MPHOSPH9: variants seen among roughly 807,000 people sequenced by gnomAD.
The protein encoded by MPHOSPH9 is M-phase phosphoprotein 9.
A neutral mutation model predicts 145.5 loss-of-function variants in MPHOSPH9; 88 were observed. That is an observed-to-expected ratio of 0.60 (90% CI 0.51 to 0.72). MPHOSPH9 has a LOEUF of 0.72. Ranked by LOEUF, MPHOSPH9 falls within the 30% of genes least tolerant of loss-of-function variation. The pLI is 0.00. For synonymous variants in MPHOSPH9, 435 were observed against 486.2 expected (o/e 0.89, Z 1.39); for missense variants, 1,238 against 1,386.6 (o/e 0.89, Z 1.70).
At chr12:123,223,296 C>G (rs900543363) in intron 3 of MPHOSPH9, among the ~76,000 whole-genome samples, 169 bp from the exon 4 acceptor site, 4 of 152,090 alleles carry the variant, frequency 2.6e-5, no homozygotes, top group African/African-American at 7.2e-5. Context: ...ACCAAGAGAG[C>G]AGGGAGTTCT....
At chr12:123,215,119 A>G (rs1288598253) in intron 6 of MPHOSPH9, among the ~76,000 whole-genome samples, 2 of 152,080 alleles carry the variant, frequency 1.3e-5, no homozygotes, top group African/African-American at 2.4e-5. Context: ...GCGGGTGCCT[A>G]TAATCCCAGC....
chr12:123,229,763 G>C (rs931595534), intron 2 of MPHOSPH9, among the ~76,000 whole-genome samples: 6 of 150,028 alleles, frequency 4.0e-5, no homozygotes, highest in African/African-American at 9.7e-5. Context: ...ATCTCTGAGA[G>C]AAATGAGAAA....
chr12:123,157,397 G>C (rs1448056636), intron 23 of MPHOSPH9, among the ~76,000 whole-genome samples: 1 of 146,532 alleles, frequency 6.8e-6, no homozygotes, highest in Non-Finnish European at 1.5e-5. Context: ...AAAAAAAATA[G>C]ATTTCACAAT....
Position 123,166,738 on chromosome 12 carries a change from T to C in MPHOSPH9, c.2508A>G (p.Ala836=), listed in dbSNP as rs2044338142. 6.2e-7 allele frequency: 1 copy of C among 1,613,986 alleles called. No individual in the cohort carries two copies. The highest frequency in any genetic ancestry group is 1.3e-5 in the African/African-American group (1 of 74,938). The change falls in exon 17 of 24, where the codon GCA becomes GCG. Residue 836 remains alanine (A), a synonymous_variant. Transcript: ENST00000606320. ...GCTGGCCAGTAAAGATGGAATACTCTGCACCTGGAATCAGCCATTTCCGCC... is the reference window on the plus strand; with the variant it reads ...GCTGGCCAGTAAAGATGGAATACTCCGCACCTGGAATCAGCCATTTCCGCC... The part of the protein sequence containing the change: ...VSRRKWLIPG[A]EYSIFTGQPL...
intron 8 of MPHOSPH9, among the ~76,000 whole-genome samples, chr12:123,207,649 T>C (rs951703553): frequency 1.3e-5 from 2 of 151,134 alleles, no homozygotes; most frequent in Non-Finnish European, 3.0e-5. Context: ...AGGTCAGGAG[T>C]TCGAGAGCAG....
At chr12:123,208,278 G>A (rs2138425787) in intron 8 of MPHOSPH9, among the ~76,000 whole-genome samples, 1 of 151,606 alleles carries the variant, frequency 6.6e-6, no homozygotes, top group Admixed American at 6.6e-5. Flanking sequence ...AGTGGTGCAT[G>A]CCTGTAATTC....
intron 16 of MPHOSPH9, among the ~76,000 whole-genome samples, chr12:123,168,722 TC>T (rs1208985178): frequency 1.3e-5 from 2 of 151,674 alleles, no homozygotes; most frequent in African/African-American, 4.8e-5. Context: ...TCCTCAAACC[TC>T]CCATCCCACC....
At chr12:123,235,560 G>A (rs2047834145), upstream of MPHOSPH9, among the ~76,000 whole-genome samples, 1 of 150,870 alleles carries the variant, frequency 6.6e-6, no homozygotes, top group Non-Finnish European at 1.5e-5. Context: ...TTTTAGTAGA[G>A]ATGGGGTTTC....
chr12:123,220,127 G>A (rs563167453), intron 5 of MPHOSPH9, among the ~76,000 whole-genome samples: 1 of 152,208 alleles, frequency 6.6e-6, no homozygotes, highest in Non-Finnish European at 1.5e-5. Flanking sequence ...CTGGGAGGTA[G>A]AGGTTGCAGT....
In MPHOSPH9 at chr12:123,214,853, T is replaced by C. The variant is rs779924469; in HGVS notation, c.997-19A>G. The C allele has an allele frequency of 3.1e-6, 5 of 1,588,700 alleles. No homozygotes were observed. Among genetic ancestry groups the C allele is most frequent in the Admixed American group, 1.7e-5 (1 of 59,832 alleles). ...AATCAGACTACAAGAAAGAAAACTA[T>C]TGATTGACAGCTAAAAGTCATTAGG... is the stretch of plus-strand genomic sequence containing the variant. On this transcript the variant is annotated intron_variant, in intron 6 of 23. Transcript: ENST00000606320.
intron 11 of MPHOSPH9, among the ~76,000 whole-genome samples, chr12:123,200,651 A>ATT (rs1373338003): frequency 1.1e-4 from 15 of 134,246 alleles, no homozygotes; most frequent in Non-Finnish European, 1.5e-4. Flanking sequence ...TCATCTTTGC[A>ATT]TTTTTTTTTT....
chr12:123,164,094 C>T lies in MPHOSPH9; in HGVS notation c.2768-4G>A. On this transcript the variant is annotated splice_polypyrimidine_tract_variant and splice_region_variant and intron_variant, in intron 18 of 23. Coordinates refer to ENST00000606320, the MANE Select transcript of MPHOSPH9 (RefSeq NM_022782.4). ...GTTTCAGTTTGCCGAGGATTTACTACAGCAGACCAAAAAAAAGCAAAACAA... is the reference window on the plus strand; with the variant it reads ...GTTTCAGTTTGCCGAGGATTTACTATAGCAGACCAAAAAAAAGCAAAACAA... The T allele has an allele frequency of 6.2e-7, 1 of 1,613,604 alleles. No individual in the cohort carries two copies. The highest frequency in any genetic ancestry group is 2.2e-5 in the East Asian group (1 of 44,870).
At chr12:123,190,458 T>C (rs2045631176) in intron 13 of MPHOSPH9, among the ~76,000 whole-genome samples, 2 of 152,160 alleles carry the variant, frequency 1.3e-5, no homozygotes, top group Admixed American at 1.3e-4. Flanking sequence ...CCGGAGTATT[T>C]TATTTCTTAA....
chr12:123,165,711 A>T (rs2044290057), intron 17 of MPHOSPH9: 1 of 412,528 alleles, frequency 2.4e-6, no homozygotes, highest in Non-Finnish European at 4.3e-6. Flanking sequence ...CTCTGTGCAC[A>T]CACACCAAGG....
chr12:123,205,626 T>G (rs1258031334), intron 8 of MPHOSPH9, among the ~76,000 whole-genome samples: 1 of 152,170 alleles, frequency 6.6e-6, no homozygotes, highest in Non-Finnish European at 1.5e-5. Flanking sequence ...AGAAGCCTTT[T>G]CAAGACCTGA....
chr12:123,200,470 G>A (rs1485894747), intron 11 of MPHOSPH9, among the ~76,000 whole-genome samples: 1 of 151,842 alleles, frequency 6.6e-6, no homozygotes, highest in East Asian at 1.9e-4. Flanking sequence ...CTTCCAATTT[G>A]CTCCACCTAT....
chr12:123,222,366 T>C (rs1032788670), intron 4 of MPHOSPH9, among the ~76,000 whole-genome samples: 2 of 137,362 alleles, frequency 1.5e-5, no homozygotes, highest in Non-Finnish European at 3.1e-5. Flanking sequence ...TGTTTTTTCT[T>C]ACAAATATAA....
intron 1 of MPHOSPH9, chr12:123,240,601 T>C (rs1431442536): frequency 2.0e-5 from 3 of 149,976 alleles, no homozygotes; most frequent in Non-Finnish European, 3.0e-5. Flanking sequence ...GGTAAACTAG[T>C]GCTTTACCTT....
chr12:123,210,289 ATTTTGATGG>A, intron 7 of MPHOSPH9, 127 bp from the exon 8 acceptor site: 1 of 505,472 alleles, frequency 2.0e-6, no homozygotes, highest in Non-Finnish European at 3.4e-6. Context: ...AGTAATTTGA[ATTTTGATGG>A]AAAAAAGTTA....
Sources: allele counts gnomAD v4.1 joint callset (sites outside exome capture counted in the v4.1 genomes callset), GRCh38; gene constraint gnomAD v4.1.1; transcripts MANE v1.5; gene names NCBI Gene and HGNC (gene_info 2026-07-23, HGNC 2026-07-21).